GABRG3: variants seen among roughly 807,000 people sequenced by gnomAD.
GABRG3 encodes the protein gamma-aminobutyric acid type A receptor subunit gamma3.
In GABRG3, 25 loss-of-function variants were observed where a neutral mutation model predicts 48.8. The observed-to-expected ratio is 0.51, with a 90% confidence interval of 0.37 to 0.72. The LOEUF (loss-of-function observed/expected upper bound fraction) is 0.72. Among genes scored for constraint, GABRG3 ranks in the 30% least tolerant of loss-of-function variants. GABRG3 has a pLI of 0.00. For missense variants in GABRG3, 394 were observed against 577.9 expected (o/e 0.68, Z 3.26); for synonymous variants, 227 against 217.6 (o/e 1.04, Z -0.38).
At chr15:27,164,291 C>T (rs1179615947) in intron 3 of GABRG3, among the ~76,000 whole-genome samples, 1 of 152,164 alleles carries the variant, frequency 6.6e-6, no homozygotes, top group African/African-American at 2.4e-5. Context: ...CATGTCAGTC[C>T]TGAATATTTC....
At chr15:27,099,040 G>A (rs1412809254) in intron 3 of GABRG3, among the ~76,000 whole-genome samples, 2 of 152,170 alleles carry the variant, frequency 1.3e-5, no homozygotes, top group African/African-American at 4.8e-5. Flanking sequence ...TTGAATTACA[G>A]CAAAACAGGA....
chr15:27,056,687 C>T (rs549953723), intron 3 of GABRG3, among the ~76,000 whole-genome samples: 57 of 152,208 alleles, frequency 3.7e-4, no homozygotes, highest in African/African-American at 1.1e-3. Flanking sequence ...AGACCCCCCA[C>T]GGTGGCTTCC....
At position 27,185,656 on chromosome 15, in the gene GABRG3, A is replaced by C. The variant is rs111511671; in HGVS notation, c.271-141153A>C. On this transcript the variant is annotated intron_variant, in intron 3 of 9. Transcript: ENST00000615808. ...TTTGATGTTCTCAATGATAGCTATA[A>C]ATTTGTATCTTTCTTCTTCAGGCCT... 3.2e-3 allele frequency among the ~76,000 whole-genome samples: 489 copies of C among 152,066 alleles called. 2 individuals are homozygous for C. Among genetic ancestry groups the C allele is most frequent in the African/African-American group, 0.011 (456 of 41,486 alleles).
chr15:27,519,156 G>T (rs995331316), intron 6 of GABRG3, among the ~76,000 whole-genome samples: 1 of 152,182 alleles, frequency 6.6e-6, no homozygotes, highest in African/African-American at 2.4e-5. Context: ...CAGGCTAAAG[G>T]GGTGGAGGAT....
chr15:27,250,188 A>T (rs1258720791), intron 3 of GABRG3, among the ~76,000 whole-genome samples: 1 of 151,980 alleles, frequency 6.6e-6, no homozygotes, highest in Non-Finnish European at 1.5e-5. Flanking sequence ...CACTCCCCTC[A>T]CCGAAACCCC....
At chr15:27,169,241 G>A (rs1887483168) in intron 3 of GABRG3, among the ~76,000 whole-genome samples, 1 of 152,226 alleles carries the variant, frequency 6.6e-6, no homozygotes, top group Admixed American at 6.5e-5. Context: ...AGGCAGAGTA[G>A]CCTTCCCTGG....
chr15:26,991,224 A>G (rs776779706), intron 2 of GABRG3, among the ~76,000 whole-genome samples: 2 of 152,148 alleles, frequency 1.3e-5, no homozygotes, highest in Non-Finnish European at 2.9e-5. Context: ...AAATGAGTTC[A>G]CTGTAGGTGT....
At chr15:27,393,356 AAAAAAAG>A (rs1887205757) in intron 5 of GABRG3, among the ~76,000 whole-genome samples, 1 of 149,466 alleles carries the variant, frequency 6.7e-6, no homozygotes, top group African/African-American at 2.4e-5. Context: ...AAAAAAAAAA[AAAAAAAG>A]AAAAGAAAAG....
chr15:27,541,442 GAAGGA>G lies in GABRG3; in HGVS notation c.*8562_*8566del, dbSNP rs929659943. The G allele has an allele frequency of 3.9e-5, 6 of 152,490 alleles. No homozygotes were observed. Among genetic ancestry groups the G allele is most frequent in the African/African-American group, 1.4e-4 (6 of 41,572 alleles). 9.4% of individuals were successfully genotyped at this position (152,490 alleles called of 1,614,324 possible). A position where few individuals can be genotyped will look rare whatever the true frequency, so the allele number is the denominator to read the frequency against. ...CTGGGAGATGGCCCAGGCAGGAAGG[GAAGGA>G]GAGAGGCGCGGACTGCTCTCTGTTC... On this transcript the variant is annotated 3_prime_UTR_variant, in exon 10 of 10. Coordinates refer to ENST00000615808, the MANE Select transcript of GABRG3 (RefSeq NM_033223.5).
chr15:27,323,700 C>T (rs1398704593), intron 3 of GABRG3, among the ~76,000 whole-genome samples: 1 of 152,108 alleles, frequency 6.6e-6, no homozygotes, highest in Non-Finnish European at 1.5e-5. Flanking sequence ...GCCTGTCTCA[C>T]TCTACACCTC....
At chr15:27,444,705 C>T (rs1013339832) in intron 5 of GABRG3, among the ~76,000 whole-genome samples, 8 of 152,108 alleles carry the variant, frequency 5.3e-5, no homozygotes, top group African/African-American at 1.9e-4. Context: ...GTTTCTCCTC[C>T]TTTATTCTCT....
chr15:27,110,785 C>T (rs532001549), intron 3 of GABRG3, among the ~76,000 whole-genome samples: 1 of 152,240 alleles, frequency 6.6e-6, no homozygotes, highest in East Asian at 1.9e-4. Context: ...TGGTGTTCCC[C>T]ACCCCAACCC....
intron 5 of GABRG3, among the ~76,000 whole-genome samples, chr15:27,437,247 T>G (rs1310737827): frequency 6.6e-6 from 1 of 152,218 alleles, no homozygotes; most frequent in Non-Finnish European, 1.5e-5. Flanking sequence ...CTCACATGAT[T>G]CAATTTATTT....
At position 27,180,458 on chromosome 15, in the gene GABRG3, T is replaced by C. The variant is rs144497840; in HGVS notation, c.271-146351T>C. Reference sequence around the variant, plus strand: ...ATTGTCACACTCGGGACTCTCTGCCTACCCTATGCTTGCACTAGATTCATC... The same window carrying C: ...ATTGTCACACTCGGGACTCTCTGCCCACCCTATGCTTGCACTAGATTCATC... On this transcript the variant is annotated intron_variant, in intron 3 of 9. Coordinates refer to ENST00000615808, the MANE Select transcript of GABRG3 (RefSeq NM_033223.5). The surrounding 1 kb of genome is among the most constrained non-coding windows in gnomAD (Gnocchi z 4.2). 6.6e-6 allele frequency among the ~76,000 whole-genome samples: 1 copy of C among 152,202 alleles called. No individual in the cohort carries two copies. The highest frequency in any genetic ancestry group is 2.4e-5 in the African/African-American group (1 of 41,542).
rs149925544 is a variant in GABRG3, at chr15:27,488,828, C to A, written c.712+8041C>A. Among the ~76,000 whole-genome samples the A allele has an allele frequency of 2.0e-3, 306 of 152,146 alleles. 2 individuals carry two copies. Among genetic ancestry groups the A allele is most frequent in the Admixed American group, 4.5e-3 (69 of 15,280 alleles). On this transcript the variant is annotated intron_variant, in intron 6 of 9. Coordinates refer to ENST00000615808, the MANE Select transcript of GABRG3 (RefSeq NM_033223.5). Reference sequence around the variant, plus strand: ...ATATTTTAGTAGCTACACTTCACTCCTGTTTATATTAATAGTTTCATTATT... The same window carrying A: ...ATATTTTAGTAGCTACACTTCACTCATGTTTATATTAATAGTTTCATTATT...
chr15:27,131,800 G>C (rs548030627), intron 3 of GABRG3, among the ~76,000 whole-genome samples: 2 of 151,874 alleles, frequency 1.3e-5, no homozygotes, highest in South Asian at 2.1e-4. Flanking sequence ...CCTCACCAGT[G>C]TTTGTTATTT....
At chr15:27,026,347 A>G (rs986873740) in intron 2 of GABRG3, among the ~76,000 whole-genome samples, 9 of 152,216 alleles carry the variant, frequency 5.9e-5, no homozygotes, top group East Asian at 1.9e-4. Context: ...CGTCACTGAC[A>G]TTGCTCCTCT....
intron 6 of GABRG3, among the ~76,000 whole-genome samples, chr15:27,507,685 C>T (rs764499369): frequency 1.3e-5 from 2 of 151,996 alleles, no homozygotes; most frequent in African/African-American, 4.8e-5. Context: ...CTGGTTGATA[C>T]GATTGTTCAA....
intron 2 of GABRG3, among the ~76,000 whole-genome samples, chr15:26,984,228 T>C (rs1468239779): frequency 6.6e-6 from 1 of 152,208 alleles, no homozygotes; most frequent in African/African-American, 2.4e-5. Context: ...GGTCTTTTTT[T>C]TTCCCTCTAG....
Sources: gnomAD v4.1 joint callset for allele counts (sites outside exome capture counted in the v4.1 genomes callset) on GRCh38, gnomAD v4.1.1 for gene constraint, Gnocchi (gnomAD v3.1) non-coding constraint, MANE v1.5 for transcripts, NCBI Gene and HGNC (gene_info 2026-07-23, HGNC 2026-07-21) for gene names.